GPIHBP1: variants seen among roughly 807,000 people sequenced by gnomAD.
GPIHBP1 encodes the protein glycosylphosphatidylinositol anchored high density lipoprotein binding protein 1.
GPIHBP1 carries 11 observed loss-of-function variants against 13.0 expected under a neutral mutation model. The ratio of observed to expected loss-of-function variants is 0.84; its 90% CI spans 0.53 to 1.40. The LOEUF (loss-of-function observed/expected upper bound fraction) is 1.40. Among genes scored for constraint, GPIHBP1 ranks in the 40% most tolerant of loss-of-function variants. GPIHBP1 has a pLI of 0.00. For synonymous variants in GPIHBP1, 106 were observed against 102.2 expected, an observed-to-expected ratio of 1.04 and a Z score of -0.22; for missense variants, 231 against 241.1, an observed-to-expected ratio of 0.96 and a Z score of 0.28.
intron 3 of GPIHBP1, 57 bp from the exon 4 acceptor site, chr8:143,215,202 G>A: frequency 6.2e-7 from 1 of 1,612,408 alleles, no homozygotes; most frequent in Non-Finnish European, 8.5e-7. Flanking sequence ...GAGCCCTGCA[G>A]AGCCACCTCA....
rs773126617 is a variant in GPIHBP1, at chr8:143,214,999, C to T, written c.182-14C>T. On this transcript the variant is annotated splice_polypyrimidine_tract_variant and intron_variant, in intron 2 of 3. Coordinates refer to ENST00000622500, the MANE Select transcript of GPIHBP1 (RefSeq NM_178172.6). The surrounding 1 kb of genome is among the most constrained non-coding windows in gnomAD (Gnocchi z 4.1). ...GGGGGGCCCGGCCTCGGCCTGAGCC[C>T]GCCTTGTCCCCAGTGCTGCTGCGGT... The T allele has an allele frequency of 9.7e-6, 15 of 1,544,918 alleles. No homozygotes were observed. Among genetic ancestry groups the T allele is most frequent in the Middle Eastern group, 1.7e-4 (1 of 5,912 alleles).
In GPIHBP1 at chr8:143,213,927, G is replaced by C; in HGVS notation, c.158G>C (p.Arg53Thr). ...GAGGTGGAAGAGGAGGAGACCAACAGGCTCCCTGGTGGCAGGAGCAGAGGT... is the reference window on the plus strand; with the variant it reads ...GAGGTGGAAGAGGAGGAGACCAACACGCTCCCTGGTGGCAGGAGCAGAGGT... ...EDEVEEEETNRLPGGRSRVLL... is the reference protein window; with the variant it reads ...EDEVEEEETNTLPGGRSRVLL... The change falls in exon 2 of 4, where the codon AGG becomes ACG. Residue 53 changes from arginine (R) to threonine (T), a missense_variant. Arg to Thr is a moderately conservative substitution (Grantham distance 71). Transcript: ENST00000622500. 1 of 1,551,518 alleles carries C rather than the reference G, an allele frequency of 6.4e-7. No individual in the cohort carries two copies. Among genetic ancestry groups the C allele is most frequent in the Non-Finnish European group, 8.7e-7 (1 of 1,147,112 alleles).
In GPIHBP1 at chr8:143,213,866, C is replaced by T; in HGVS notation, c.97C>T (p.His33Tyr). Residue 33 changes from histidine to tyrosine, a missense_variant, in exon 2 of 4, where the codon CAC becomes TAC. Coordinates refer to ENST00000622500, the MANE Select transcript of GPIHBP1 (RefSeq NM_178172.6). ...GGAGGAAGAGGAAGAGGACGAGGACCACGGGCCAGATGACTACGACGAGGA... is the reference window on the plus strand; with the variant it reads ...GGAGGAAGAGGAAGAGGACGAGGACTACGGGCCAGATGACTACGACGAGGA... Reference protein sequence around the residue: ...QQEEEEEDEDHGPDDYDEEDE... With the variant: ...QQEEEEEDEDYGPDDYDEEDE... The T allele has an allele frequency of 1.3e-6, 2 of 1,555,542 alleles. No homozygotes were observed. The highest frequency in any genetic ancestry group is 2.4e-5 in the East Asian group (1 of 41,224).
rs1012102448 is a variant in GPIHBP1, at chr8:143,214,015, T to C, written c.181+65T>C. ...GCCTGGAGCATTCTGGGCGGGGCTG[T>C]GTGATGGAAGCCAGCAGGCCACAGT... On this transcript the variant is annotated intron_variant, in intron 2 of 3. Coordinates refer to ENST00000622500, the MANE Select transcript of GPIHBP1 (RefSeq NM_178172.6). This position sits in a 1 kb window ranked among gnomAD's most constrained non-coding sequence, Gnocchi z 4.1. 2 of 1,543,406 alleles carry C rather than the reference T, an allele frequency of 1.3e-6. No individual in the cohort carries two copies. The highest frequency in any genetic ancestry group is 1.7e-6 in the Non-Finnish European group (2 of 1,143,702).
rs1365500793 is a variant in GPIHBP1, at chr8:143,216,500, TCAGA to T, written c.*986_*989del. On this transcript the variant is annotated 3_prime_UTR_variant, in exon 4 of 4. Coordinates refer to ENST00000622500, the MANE Select transcript of GPIHBP1 (RefSeq NM_178172.6). ...GGTGTCATGGATGGATCTGGGGGTGTCAGACAGGCTACCCTGTGCCAGGGAGGGG... is the reference window on the plus strand; with the variant it reads ...GGTGTCATGGATGGATCTGGGGGTGTCAGGCTACCCTGTGCCAGGGAGGGG... 6.6e-6 allele frequency: 1 copy of T among 152,042 alleles called. No homozygotes were observed. The highest frequency in any genetic ancestry group is 1.5e-5 in the Non-Finnish European group (1 of 68,068). The allele number at this position is 152,042 out of a possible 1,614,324, so 9.4% of individuals were successfully genotyped here.
At chr8:143,213,350 G>C in intron 1 of GPIHBP1, 31 bp downstream of exon 1, 1 of 1,568,996 alleles carries the variant, frequency 6.4e-7, no homozygotes, top group Admixed American at 1.8e-5. Context: ...CTGCGGTGAG[G>C]GGGCAGCAAC....
rs1403015367 is a variant in GPIHBP1 at position 143,214,130 on chromosome 8, A to C, written c.181+180A>C. Among the ~76,000 whole-genome samples, 2 of 152,098 alleles carry C rather than the reference A, an allele frequency of 1.3e-5. No individual in the cohort carries two copies. The highest frequency in any genetic ancestry group is 4.8e-5 in the African/African-American group (2 of 41,418). ...ATGACACTCAGTTGCCTTCCAGAGT[A>C]GGGAACAGGGGAAGAAGCCACCAGC... On this transcript the variant is annotated intron_variant, in intron 2 of 3. Transcript: ENST00000622500. The surrounding 1 kb of genome is among the most constrained non-coding windows in gnomAD (Gnocchi z 4.1).
rs377573186 is a variant in GPIHBP1, at chr8:143,215,137, G to A, written c.295+11G>A. The A allele has an allele frequency of 6.0e-5, 97 of 1,609,988 alleles. 1 individual carries two copies. In the African/African-American group the frequency reaches 6.5e-4, roughly 11 times the overall value. On this transcript the variant is annotated intron_variant, in intron 3 of 3. Coordinates refer to ENST00000622500, the MANE Select transcript of GPIHBP1 (RefSeq NM_178172.6). The stretch of plus-strand genomic sequence containing the variant: ...CCCACGGGAACACCGGTAAGTGGGC[G>A]TGGGGCCGCAGCACATGCACCCCCA...
At position 143,214,284 on chromosome 8, in the gene GPIHBP1, A is replaced by C. The variant is rs1816266181; in HGVS notation, c.181+334A>C. Among the ~76,000 whole-genome samples the C allele has an allele frequency of 6.6e-6, 1 of 152,060 alleles. No individual in the cohort carries two copies. Among genetic ancestry groups the C allele is most frequent in the South Asian group, 2.1e-4 (1 of 4,828 alleles). On this transcript the variant is annotated intron_variant, in intron 2 of 3. Coordinates refer to ENST00000622500, the MANE Select transcript of GPIHBP1 (RefSeq NM_178172.6). The surrounding 1 kb of genome is among the most constrained non-coding windows in gnomAD (Gnocchi z 4.1). The stretch of plus-strand genomic sequence containing the variant: ...AGGGTAGGGTTCAGTTTTGTGGGGC[A>C]GAGAGAGCAGCAGGGTGGGCCGGTC...
intron 1 of GPIHBP1, 73 bp from the exon 2 acceptor site, chr8:143,213,749 C>CA: frequency 6.4e-7 from 1 of 1,557,704 alleles, no homozygotes; most frequent in Non-Finnish European, 8.7e-7. Flanking sequence ...GAGTTGGGGG[C>CA]ACGATGCTTG....
At chr8:143,213,972 A>C (rs751861937) in intron 2 of GPIHBP1, 22 bp downstream of exon 2, 1 of 1,549,790 alleles carries the variant, frequency 6.5e-7, no homozygotes, top group Non-Finnish European at 8.7e-7. Flanking sequence ...CCAACCCCAG[A>C]GCCCTGCTGC....
Position 143,213,298 on chromosome 8 carries a change from C to A in GPIHBP1, c.31C>A (p.Leu11Ile). 6.3e-7 allele frequency: 1 copy of A among 1,598,066 alleles called. No homozygotes were observed. The highest frequency in any genetic ancestry group is 2.3e-5 in the East Asian group (1 of 44,400). The change falls in exon 1 of 4, where the codon CTC (leucine) becomes ATC (isoleucine). Residue 11 changes from leucine to isoleucine, a missense_variant. Coordinates refer to ENST00000622500, the MANE Select transcript of GPIHBP1 (RefSeq NM_178172.6). Reference protein sequence around the residue: MKALGAVLLALLLFGRPGRGQ... With the variant: MKALGAVLLAILLFGRPGRGQ... Reference sequence around the variant, plus strand: ...GGCGCTCGGGGCTGTCCTGCTTGCCCTCTTGCTGTTCGGGCGGCCAGGTGC... The same window carrying A: ...GGCGCTCGGGGCTGTCCTGCTTGCCATCTTGCTGTTCGGGCGGCCAGGTGC...
rs1356218477 is a variant in GPIHBP1, at chr8:143,216,569, TG to T, written c.*1054del. On this transcript the variant is annotated 3_prime_UTR_variant, in exon 4 of 4. Coordinates refer to ENST00000622500, the MANE Select transcript of GPIHBP1 (RefSeq NM_178172.6). ...CAGCTTCCTGCAGAGGAAGCAGGAC[TG>T]GGTAGCAGAGCCGGGAAGGTGGGTG... The T allele has an allele frequency of 6.6e-6, 1 of 152,018 alleles. No homozygotes were observed. The highest frequency in any genetic ancestry group is 1.5e-5 in the Non-Finnish European group (1 of 68,020). The allele number at this position is 152,018 out of a possible 1,614,324, so 9.4% of individuals were successfully genotyped here.
At position 143,215,085 on chromosome 8, in the gene GPIHBP1, A is replaced by C; in HGVS notation, c.254A>C (p.His85Pro). The C allele has an allele frequency of 6.2e-7, 1 of 1,612,278 alleles. No homozygotes were observed. Among genetic ancestry groups the C allele is most frequent in the African/African-American group, 1.3e-5 (1 of 74,990 alleles). ...ERCNLTQNCS[H>P]GQTCTTLIAH... Reference sequence around the variant, plus strand: ...TGCAACCTGACGCAGAACTGCTCACATGGCCAGACCTGCACAACCCTCATT... The same window carrying C: ...TGCAACCTGACGCAGAACTGCTCACCTGGCCAGACCTGCACAACCCTCATT... The change falls in exon 3 of 4, where the codon CAT becomes CCT. Residue 85 changes from histidine (H) to proline (P), a missense_variant. By Grantham distance (77) the His-to-Pro change is moderately conservative (BLOSUM62 -2). Transcript: ENST00000622500.
Position 143,215,676 on chromosome 8 carries a change from C to A in GPIHBP1, c.*158C>A. 1 of 642,728 alleles carries A rather than the reference C, an allele frequency of 1.6e-6. No individual in the cohort carries two copies. The highest frequency in any genetic ancestry group is 2.7e-6 in the Non-Finnish European group (1 of 375,372). 39.8% of individuals were successfully genotyped at this position (642,728 alleles called of 1,614,324 possible). Reference sequence around the variant, plus strand: ...AGGCCCCCCGGCCCGGTTGCTTCCTCAGTTCCCGGCTGTGTCCTTGGTGTC... The same window carrying A: ...AGGCCCCCCGGCCCGGTTGCTTCCTAAGTTCCCGGCTGTGTCCTTGGTGTC... On this transcript the variant is annotated 3_prime_UTR_variant, in exon 4 of 4. Coordinates refer to ENST00000622500, the MANE Select transcript of GPIHBP1 (RefSeq NM_178172.6).
intron 1 of GPIHBP1, 109 bp from the exon 2 acceptor site, chr8:143,213,713 C>T: frequency 6.7e-7 from 1 of 1,503,142 alleles, no homozygotes. Context: ...CACCCTGGGG[C>T]CCGAGGATGG....
chr8:143,213,499 G>A (rs967441692), intron 1 of GPIHBP1, among the ~76,000 whole-genome samples, 180 bp downstream of exon 1: 2 of 152,132 alleles, frequency 1.3e-5, no homozygotes, highest in African/African-American at 2.4e-5. Flanking sequence ...AAATATCTGC[G>A]CCCCTGTTTA....
At position 143,215,419 on chromosome 8, in the gene GPIHBP1, G is replaced by C. The variant is rs1261068633; in HGVS notation, c.456G>C (p.Lys152Asn). 6.2e-7 allele frequency: 1 copy of C among 1,612,744 alleles called. No individual in the cohort carries two copies. Among genetic ancestry groups the C allele is most frequent in the Admixed American group, 1.7e-5 (1 of 60,026 alleles). ...QSSRVQDPTGKGAGGPRGSSE... is the reference protein window; with the variant it reads ...QSSRVQDPTGNGAGGPRGSSE... The stretch of plus-strand genomic sequence containing the variant: ...CCCGAGTCCAGGACCCAACAGGCAA[G>C]GGGGCAGGCGGCCCCCGGGGCAGCT... Residue 152 changes from lysine (K) to asparagine (N), a missense_variant, in exon 4 of 4, where the codon AAG (lysine) becomes AAC (asparagine). Coordinates refer to ENST00000622500, the MANE Select transcript of GPIHBP1 (RefSeq NM_178172.6).
chr8:143,215,602 C>G lies in GPIHBP1; in HGVS notation c.*84C>G, dbSNP rs1414807560. 3 of 1,187,646 alleles carry G rather than the reference C, an allele frequency of 2.5e-6. No individual in the cohort carries two copies. The highest frequency in any genetic ancestry group is 4.5e-5 in the Admixed American group (2 of 44,650). 73.6% of individuals were successfully genotyped at this position (1,187,646 alleles called of 1,614,324 possible). A position where few individuals can be genotyped will look rare whatever the true frequency, so the allele number is the denominator to read the frequency against. ...GGTACCTTCCCCTCCTGCCCCTGCA[C>G]CAGCTTTGGAGAATGGATTTGGAGT... On this transcript the variant is annotated 3_prime_UTR_variant, in exon 4 of 4. Coordinates refer to ENST00000622500, the MANE Select transcript of GPIHBP1 (RefSeq NM_178172.6).
Sources: gnomAD v4.1 joint callset for allele counts (sites outside exome capture counted in the v4.1 genomes callset) on GRCh38, gnomAD v4.1.1 for gene constraint, Gnocchi (gnomAD v3.1) non-coding constraint, MANE v1.5 for transcripts, NCBI Gene and HGNC (gene_info 2026-07-23, HGNC 2026-07-21) for gene names.